Variants in KIF20B observed in about 807,000 individuals in gnomAD.
The protein encoded by KIF20B is kinesin family member 20B, also known as kinesin-like protein KIF20B.
In KIF20B, 188 loss-of-function variants were observed where a neutral mutation model predicts 232.5. The observed-to-expected ratio is 0.81, with a 90% CI of 0.72 to 0.91. The LOEUF is 0.91. Ranked by LOEUF, KIF20B falls within the 40% of genes least tolerant of loss-of-function variation. The probability of loss-of-function intolerance (pLI) is 0.00; values close to 1 mark genes in which losing one functional copy is unlikely to be tolerated. For synonymous variants in KIF20B, 712 were observed against 683.0 expected (o/e 1.04, Z -0.66); for missense variants, 2,154 against 2,055.9 (o/e 1.05, Z -0.92).
Position 89,751,489 on chromosome 10 carries a change from A to T in KIF20B, c.4222+18A>T. On this transcript the variant is annotated intron_variant, in intron 24 of 32. Transcript: ENST00000371728. The stretch of plus-strand genomic sequence containing the variant: ...GGCCACAGGTAAAACAAGATTGCTT[A>T]CATTTCTCTAAATATACTTTTTCAT... 1 of 1,588,928 alleles carries T rather than the reference A, an allele frequency of 6.3e-7. No individual in the cohort carries two copies. The highest frequency in any genetic ancestry group is 1.4e-5 in the African/African-American group (1 of 73,566).
intron 32 of KIF20B, 72 bp downstream of exon 32, chr10:89,772,903 A>G (rs1842494127): frequency 2.5e-5 from 34 of 1,337,232 alleles, no homozygotes; most frequent in Non-Finnish European, 3.4e-5. Flanking sequence ...AGTGGTTTGA[A>G]TTTCAATTCT....
At chr10:89,769,629 C>G (rs1209905793) in intron 31 of KIF20B, among the ~76,000 whole-genome samples, 2 of 151,114 alleles carry the variant, frequency 1.3e-5, no homozygotes, top group African/African-American at 2.4e-5. Flanking sequence ...TGCTTTTTTT[C>G]TTGATAATAT....
At chr10:89,745,293 G>C (rs1023884583) in intron 22 of KIF20B, among the ~76,000 whole-genome samples, 1 of 152,338 alleles carries the variant, frequency 6.6e-6, no homozygotes, top group Admixed American at 6.5e-5. Flanking sequence ...GGGAAGCCGA[G>C]GCAGACGGAT....
At chr10:89,707,165 T>C (rs753850824) in intron 2 of KIF20B, among the ~76,000 whole-genome samples, 8 of 152,188 alleles carry the variant, frequency 5.3e-5, no homozygotes, top group Non-Finnish European at 8.8e-5. Context: ...ATTGTAAATA[T>C]TTTTAGTTGC....
At chr10:89,762,553 G>A (rs3740037) in intron 28 of KIF20B, 85 bp from the exon 29 acceptor site, 265,198 of 991,772 alleles carry the variant, frequency 0.27, 38,679 homozygotes, top group African/African-American at 0.47. Context: ...CATTGTCTTG[G>A]ATAGGCATTT....
rs1841685447 is a variant in KIF20B, at chr10:89,737,565, AAATAAACAGATTGTTCATTTTCAGC to A, written c.2726_2750del (p.Asn909ArgfsTer11). ...ATGAAAAGGAAGAAAAAGCAGAATT[AAATAAACAGATTGTTCATTTTCAGC>A]AGGAACTTTCTCTTTCTGAAAAAAA... On this transcript the variant is annotated frameshift_variant, in exon 20 of 33. Coordinates refer to ENST00000371728, the MANE Select transcript of KIF20B (RefSeq NM_001284259.2). LOFTEE classifies it high-confidence loss of function. The A allele has an allele frequency of 2.1e-5, 33 of 1,607,294 alleles. No homozygotes were observed. The highest frequency in any genetic ancestry group is 2.5e-5 in the Non-Finnish European group (30 of 1,177,316).
chr10:89,770,277 TAC>T (rs1842437931), intron 31 of KIF20B, among the ~76,000 whole-genome samples: 1 of 152,210 alleles, frequency 6.6e-6, no homozygotes, highest in East Asian at 1.9e-4. Flanking sequence ...CATGCCTTAG[TAC>T]ACAGTTTGGG....
At chr10:89,740,006 G>A (rs907831689) in intron 21 of KIF20B, among the ~76,000 whole-genome samples, 25 of 151,928 alleles carry the variant, frequency 1.6e-4, no homozygotes, top group African/African-American at 6.0e-4. Flanking sequence ...TTTGCCCATA[G>A]CCATAATGCA....
chr10:89,745,288 G>T (rs190453841), intron 22 of KIF20B, among the ~76,000 whole-genome samples: 8 of 152,344 alleles, frequency 5.3e-5, no homozygotes, highest in Admixed American at 2.0e-4. Context: ...ACTTTGGGAA[G>T]CCGAGGCAGA....
Position 89,751,363 on chromosome 10 carries a change from A to C in KIF20B, c.4114A>C (p.Lys1372Gln). ...ATTTTTAGATCTAAATGTTAAAGAG[A>C]AAATAATTGAAGACATGCGAATGAC... ...RACKDLNVKE[K>Q]IIEDMRMTLE... Residue 1372 changes from lysine (K) to glutamine (Q), a missense_variant, in exon 24 of 33, where the codon AAA (lysine) becomes CAA (glutamine). Transcript: ENST00000371728. The C allele has an allele frequency of 6.2e-7, 1 of 1,605,626 alleles. No individual in the cohort carries two copies. The highest frequency in any genetic ancestry group is 2.2e-5 in the East Asian group (1 of 44,564).
chr10:89,713,271 G>T (rs1842869230), intron 6 of KIF20B, among the ~76,000 whole-genome samples: 1 of 150,024 alleles, frequency 6.7e-6, no homozygotes, highest in Non-Finnish European at 1.5e-5. Flanking sequence ...TGAGGCACAA[G>T]AATTGCTTGA....
rs144104334 is a variant in KIF20B, at chr10:89,772,765, A to G, written c.5319A>G (p.Pro1773=). 6.2e-7 allele frequency: 1 copy of G among 1,610,928 alleles called. No individual in the cohort carries two copies. The highest frequency in any genetic ancestry group is 8.5e-7 in the Non-Finnish European group (1 of 1,178,060). The change falls in exon 32 of 33, where the codon CCA becomes CCG. Residue 1773 remains proline (P), a synonymous_variant. Coordinates refer to ENST00000371728, the MANE Select transcript of KIF20B (RefSeq NM_001284259.2). ...CAAGTAAAGAAAATGTGTCTCAACC[A>G]AAACGAGCCAAACGGAAATTATACA... The part of the protein sequence containing the change: ...VEASKENVSQ[P]KRAKRKLYTS...
At chr10:89,762,981 C>T (rs1409953937) in intron 29 of KIF20B, 146 bp downstream of exon 29, 2 of 630,348 alleles carry the variant, frequency 3.2e-6, no homozygotes, top group Non-Finnish European at 5.5e-6. Context: ...ATTTTATACC[C>T]TTTAAGGATA....
intron 22 of KIF20B, among the ~76,000 whole-genome samples, chr10:89,744,507 A>C (rs1310770859): frequency 6.6e-6 from 1 of 152,232 alleles, no homozygotes; most frequent in Non-Finnish European, 1.5e-5. Flanking sequence ...ATGGTAGTGT[A>C]ATATGATAAC....
rs1047393727 is a variant in KIF20B, at chr10:89,709,546, A to G, written c.351+85A>G. 255 of 849,982 alleles carry G rather than the reference A, an allele frequency of 3.0e-4. 2 individuals carry two copies. The Middle Eastern group carries it at 4.5e-3, about 15-fold the overall frequency. 52.7% of individuals were successfully genotyped at this position (849,982 alleles called of 1,614,324 possible). On this transcript the variant is annotated intron_variant, in intron 4 of 32. Coordinates refer to ENST00000371728, the MANE Select transcript of KIF20B (RefSeq NM_001284259.2). ...ATTGCTATATAATTGTATATAATGAACTATACATTTTATGCTTATGCAACT... is the reference window on the plus strand; with the variant it reads ...ATTGCTATATAATTGTATATAATGAGCTATACATTTTATGCTTATGCAACT...
At chr10:89,760,779 T>C (rs1265250881) in intron 28 of KIF20B, 143 bp downstream of exon 28, 3 of 538,194 alleles carry the variant, frequency 5.6e-6, no homozygotes, top group Non-Finnish European at 1.0e-5. Flanking sequence ...CTAGAGGCTT[T>C]TGAGGAGAGG....
intron 31 of KIF20B, among the ~76,000 whole-genome samples, chr10:89,769,456 G>A (rs1378474440): frequency 6.6e-6 from 1 of 151,280 alleles, no homozygotes; most frequent in Non-Finnish European, 1.5e-5. Flanking sequence ...AACAAAATAA[G>A]GTGGGTTGGA....
intron 26 of KIF20B, among the ~76,000 whole-genome samples, chr10:89,756,988 C>A (rs1346649694): frequency 3.6e-5 from 5 of 139,902 alleles, no homozygotes; most frequent in African/African-American, 1.3e-4. Context: ...CATTTTTATA[C>A]ATTTGTTTTG....
chr10:89,727,955 A>G (rs1843225644), intron 17 of KIF20B, 59 bp downstream of exon 17: 10 of 1,398,280 alleles, frequency 7.2e-6, no homozygotes, highest in Non-Finnish European at 9.7e-6. Flanking sequence ...AGGGGTATGA[A>G]TGATGACTAG....
Sources: gnomAD v4.1 joint callset for allele counts (sites outside exome capture counted in the v4.1 genomes callset) on GRCh38, gnomAD v4.1.1 for gene constraint, MANE v1.5 for transcripts, NCBI Gene and HGNC (gene_info 2026-07-23, HGNC 2026-07-21) for gene names.